The following PRKAG2 variants were observed in gnomAD, a reference collection of about 807,000 sequenced individuals.
PRKAG2 encodes the protein 5'-AMP-activated protein kinase subunit gamma-2.
PRKAG2 carries 26 observed loss-of-function variants against 69.6 expected under a neutral mutation model. The ratio of observed to expected loss-of-function variants is 0.37; its 90% confidence interval spans 0.27 to 0.52. The LOEUF is 0.52. Among genes scored for constraint, PRKAG2 ranks in the 20% least tolerant of loss-of-function variants. The pLI is 0.90. For missense variants in PRKAG2, 557 were observed against 740.0 expected (o/e 0.75, Z 2.87); for synonymous variants, 293 against 285.0 (o/e 1.03, Z -0.28).
At chr7:151,669,666 C>T (rs1221906941) in intron 4 of PRKAG2, among the ~76,000 whole-genome samples, 2 of 145,120 alleles carry the variant, frequency 1.4e-5, no homozygotes, top group African/African-American at 2.5e-5. Context: ...TCAATATCCA[C>T]TTGCCCTTTG....
At chr7:151,694,927 T>A (rs942760951) in intron 3 of PRKAG2, among the ~76,000 whole-genome samples, 26 of 152,134 alleles carry the variant, frequency 1.7e-4, no homozygotes, top group African/African-American at 6.0e-4. Flanking sequence ...TCCCTCCGGG[T>A]CAGAATCTGT....
chr7:151,634,949 T>C (rs1272176891), intron 4 of PRKAG2, among the ~76,000 whole-genome samples: 2 of 143,614 alleles, frequency 1.4e-5, no homozygotes, highest in African/African-American at 5.4e-5. Context: ...GTTTTTTTTT[T>C]TTTTTTTCTT....
intron 5 of PRKAG2, among the ~76,000 whole-genome samples, chr7:151,620,723 T>C (rs918572482): frequency 2.6e-5 from 4 of 152,200 alleles, no homozygotes; most frequent in Admixed American, 6.5e-5. Context: ...CAAGTGATCC[T>C]TCCACCTTGG....
At chr7:151,561,975 G>A (rs1363948590) in intron 14 of PRKAG2, among the ~76,000 whole-genome samples, 7 of 146,076 alleles carry the variant, frequency 4.8e-5, no homozygotes, top group South Asian at 4.4e-4. Context: ...AGCCGGGTGC[G>A]GTGGCTCACG....
At chr7:151,865,820 C>T (rs192544829) in intron 1 of PRKAG2, among the ~76,000 whole-genome samples, 74 of 152,164 alleles carry the variant, frequency 4.9e-4, no homozygotes, top group African/African-American at 1.7e-3. Context: ...GAGATTGAGA[C>T]CATCCTGGCT....
At chr7:151,731,535 T>TGTGTGTGTGTGTGTGTGC (rs10689682) in intron 3 of PRKAG2, among the ~76,000 whole-genome samples, 1 of 151,582 alleles carries the variant, frequency 6.6e-6, no homozygotes, top group Admixed American at 6.6e-5. Flanking sequence ...TGTGTGTGTG[T>TGTGTGTGTGTGTGTGTGC]GCGCACAGGT....
In PRKAG2 at chr7:151,565,981, T is replaced by G. The variant is rs998361650; in HGVS notation, c.1234-96A>C. On this transcript the variant is annotated intron_variant, in intron 11 of 15. Transcript: ENST00000287878. ...GAATGAAAAAGTATGTCCAACAAAT[T>G]AAAGTTAGTTTTTTCTAACAGTCTA... 296 of 1,418,300 alleles carry G rather than the reference T, an allele frequency of 2.1e-4. 3 individuals are homozygous for G. In the South Asian group the frequency reaches 3.3e-3, roughly 16 times the overall value. The allele number at this position is 1,418,300 out of a possible 1,614,324, so 87.9% of individuals were successfully genotyped here. A position where few individuals can be genotyped will look rare whatever the true frequency, so the allele number is the denominator to read the frequency against.
intron 3 of PRKAG2, among the ~76,000 whole-genome samples, chr7:151,678,260 T>C (rs1833272177): frequency 6.6e-6 from 1 of 152,190 alleles, no homozygotes; most frequent in African/African-American, 2.4e-5. Context: ...CCCACCAAGA[T>C]CTACCGTCTG....
chr7:151,822,559 A>G (rs1160408511), intron 1 of PRKAG2, among the ~76,000 whole-genome samples: 1 of 152,186 alleles, frequency 6.6e-6, no homozygotes, highest in East Asian at 1.9e-4. Context: ...TGAGACTGTG[A>G]AAAGCCAAGG....
intron 1 of PRKAG2, among the ~76,000 whole-genome samples, chr7:151,867,711 C>A (rs1259928623): frequency 6.6e-6 from 1 of 152,184 alleles, no homozygotes; most frequent in African/African-American, 2.4e-5. Flanking sequence ...GTGTCCTCGA[C>A]ACCCAGCCCA....
chr7:151,745,541 C>T (rs1284857572), intron 3 of PRKAG2, among the ~76,000 whole-genome samples: 1 of 152,106 alleles, frequency 6.6e-6, no homozygotes, highest in African/African-American at 2.4e-5. Flanking sequence ...CTCGTGGTGA[C>T]CACAGGAACT....
intron 5 of PRKAG2, among the ~76,000 whole-genome samples, chr7:151,628,212 A>C (rs1396664776): frequency 2.0e-5 from 3 of 152,236 alleles, no homozygotes; most frequent in Non-Finnish European, 4.4e-5. Context: ...GTGGTACCAG[A>C]GTAGAGCAGG....
At chr7:151,687,795 A>G (rs1394323232) in intron 3 of PRKAG2, among the ~76,000 whole-genome samples, 1 of 152,186 alleles carries the variant, frequency 6.6e-6, no homozygotes, top group Non-Finnish European at 1.5e-5. Context: ...TCCCTGTGGA[A>G]TGTTGGGGAG....
At chr7:151,785,122 C>T (rs987450685) in intron 2 of PRKAG2, among the ~76,000 whole-genome samples, 2 of 152,268 alleles carry the variant, frequency 1.3e-5, no homozygotes, top group Non-Finnish European at 2.9e-5. Flanking sequence ...GTGTGCCTGG[C>T]TCCGCAGAGC....
At chr7:151,812,986 G>T (rs1402984171) in intron 1 of PRKAG2, among the ~76,000 whole-genome samples, 1 of 151,630 alleles carries the variant, frequency 6.6e-6, no homozygotes, top group Non-Finnish European at 1.5e-5. Flanking sequence ...GTCCTTGGAA[G>T]TTTCCATGCA....
At position 151,567,913 on chromosome 7, in the gene PRKAG2, A is replaced by T. The variant is rs1806628131; in HGVS notation, c.1233+803T>A. Among the ~76,000 whole-genome samples the T allele has an allele frequency of 6.6e-6, 1 of 152,170 alleles. No individual in the cohort carries two copies. Among genetic ancestry groups the T allele is most frequent in the Non-Finnish European group, 1.5e-5 (1 of 68,024 alleles). ...TCCTTAGGTGAAGCCATGGGGAGGAAAATGGGAAAGCTAATTTGAAGTACA... is the reference window on the plus strand; with the variant it reads ...TCCTTAGGTGAAGCCATGGGGAGGATAATGGGAAAGCTAATTTGAAGTACA... On this transcript the variant is annotated intron_variant, in intron 11 of 15. Transcript: ENST00000287878. This position sits in a 1 kb window ranked among gnomAD's most constrained non-coding sequence, Gnocchi z 4.2.
intron 1 of PRKAG2, among the ~76,000 whole-genome samples, chr7:151,826,618 C>T (rs548652840): frequency 3.9e-5 from 6 of 152,126 alleles, no homozygotes; most frequent in South Asian, 4.1e-4. Context: ...AAGAAAAGAG[C>T]TAGGGATTTG....
intron 3 of PRKAG2, among the ~76,000 whole-genome samples, chr7:151,689,035 G>C (rs765714994): frequency 7.2e-5 from 11 of 152,236 alleles, no homozygotes; most frequent in Non-Finnish European, 1.3e-4. Flanking sequence ...GGCTGAAAAT[G>C]AAGTGGAAAA....
At chr7:151,801,988 G>C (rs2077864271) in intron 1 of PRKAG2, among the ~76,000 whole-genome samples, 1 of 152,200 alleles carries the variant, frequency 6.6e-6, no homozygotes, top group African/African-American at 2.4e-5. Flanking sequence ...CCTGTGTGCA[G>C]GATGGAGTCT....
Sources: gnomAD v4.1 joint callset for allele counts (sites outside exome capture counted in the v4.1 genomes callset) on GRCh38, gnomAD v4.1.1 for gene constraint, Gnocchi (gnomAD v3.1) non-coding constraint, MANE v1.5 for transcripts, NCBI Gene and HGNC (gene_info 2026-07-23, HGNC 2026-07-21) for gene names.